GLA: variants seen among roughly 807,000 people sequenced by gnomAD.
GLA encodes the protein galactosidase alpha, also known as alpha-galactosidase A.
In GLA, 4 loss-of-function variants were observed where a neutral mutation model predicts 28.2. The ratio of observed to expected loss-of-function variants is 0.14; its 90% CI spans 0.07 to 0.32. The LOEUF is 0.32. Among genes scored for constraint, GLA ranks in the 10% least tolerant of loss-of-function variants. GLA has a pLI of 1.00. For missense variants in GLA, 203 were observed against 323.7 expected (o/e 0.63, Z 2.86); for synonymous variants, 94 against 113.0 (o/e 0.83, Z 1.07).
chrX:101,406,671 A>T (rs1555986898), intron 1 of GLA, among the ~76,000 whole-genome samples: 3 of 112,515 alleles, frequency 2.7e-5, no homozygotes, highest in Non-Finnish European at 5.6e-5. Flanking sequence ...AAAGATATTC[A>T]TAGGAATAAC....
rs1287387247 is a variant in GLA at position 101,402,758 on chromosome X, C to T, written c.370-949G>A. Among the ~76,000 whole-genome samples, 9 of 107,372 alleles carry T rather than the reference C, an allele frequency of 8.4e-5. No individual in the cohort carries two copies. The East Asian group carries it at 1.4e-3, about 17-fold the overall frequency. 93.2% of individuals were successfully genotyped at this position (107,372 alleles called of 115,157 possible). On this transcript the variant is annotated intron_variant, in intron 2 of 6. Transcript: ENST00000218516. ...CAGCCTGGGCGACAGAGCGAGACTC[C>T]GTCAAAAAAAAAAATCTGTCTTCAT...
chrX:101,403,787 C>T, intron 2 of GLA, 24 bp downstream of exon 2: 1 of 1,194,779 alleles, frequency 8.4e-7, no homozygotes, highest in Non-Finnish European at 1.1e-6. Flanking sequence ...TCTGAATGAA[C>T]AAGAACATTA....
chrX:101,404,696 A>G (rs1426817240), intron 1 of GLA, among the ~76,000 whole-genome samples: 1 of 105,957 alleles, frequency 9.4e-6, no homozygotes, highest in East Asian at 3.0e-4. Flanking sequence ...CAGCCTCCCG[A>G]GTAGCTGAGA....
At chrX:101,405,343 G>T (rs368938271) in intron 1 of GLA, among the ~76,000 whole-genome samples, 2 of 111,106 alleles carry the variant, frequency 1.8e-5, no homozygotes, top group East Asian at 2.8e-4. Context: ...TTTCGAAAGA[G>T]GTCCTTCCAG....
intron 2 of GLA, among the ~76,000 whole-genome samples, chrX:101,403,345 C>T (rs1928385528): frequency 9.2e-6 from 1 of 109,157 alleles, no homozygotes; most frequent in South Asian, 3.8e-4. Context: ...ATGCAAAGTC[C>T]ACCTGATAAG....
intron 1 of GLA, 93 bp downstream of exon 1, chrX:101,407,617 G>C (rs1217798222): frequency 2.4e-6 from 2 of 842,732 alleles, no homozygotes; most frequent in East Asian, 3.1e-5. Context: ...GCTCTCCCTC[G>C]GGCTCAACTG....
At chrX:101,401,313 T>C (rs782256263) in intron 3 of GLA, 2 of 316,377 alleles carry the variant, frequency 6.3e-6, no homozygotes, top group African/African-American at 5.4e-5. Context: ...TGAAGATGCT[T>C]CTTTCTCTGT....
chrX:101,400,397 G>A (rs1033917737), intron 4 of GLA, among the ~76,000 whole-genome samples: 6 of 110,772 alleles, frequency 5.4e-5, no homozygotes, highest in African/African-American at 1.6e-4. Context: ...GGCTGATTCA[G>A]GAGATATTTT....
At chrX:101,402,882 CT>C (rs1476316511) in intron 2 of GLA, among the ~76,000 whole-genome samples, 6 of 112,187 alleles carry the variant, frequency 5.3e-5, no homozygotes. Context: ...ATTGCAATAG[CT>C]TCCTAAAGGT....
chrX:101,398,429 T>C lies in GLA; in HGVS notation c.940A>G (p.Lys314Glu). 8.3e-7 allele frequency: 1 copy of C among 1,210,323 alleles called. No homozygotes were observed. The highest frequency in any genetic ancestry group is 1.1e-6 in the Non-Finnish European group (1 of 894,292). ...TCCTGATTGATGGCAATTACGTCCT[T>C]ATCCTGAAGGAGAGCTTTGGCTTGA... ...SPQAKALLQD[K>E]DVIAINQDPL... Residue 314 changes from lysine (K) to glutamate (E), a missense_variant, in exon 6 of 7, where the codon AAG (lysine) becomes GAG (glutamate). Transcript: ENST00000218516.
intron 2 of GLA, among the ~76,000 whole-genome samples, chrX:101,403,298 C>CA (rs1345659937): frequency 0.067 from 2,179 of 32,402 alleles, 89 homozygotes; most frequent in African/African-American, 0.15. Flanking sequence ...GACTCCATCT[C>CA]AAAAAAAAAA....
chrX:101,402,490 C>T (rs782704769), intron 2 of GLA, among the ~76,000 whole-genome samples: 14 of 112,291 alleles, frequency 1.2e-4, no homozygotes, highest in East Asian at 2.8e-4. Flanking sequence ...ATCGGCCGGG[C>T]GTGGTGGCTC....
chrX:101,399,387 T>C (rs949958859), intron 4 of GLA, among the ~76,000 whole-genome samples: 2 of 111,775 alleles, frequency 1.8e-5, no homozygotes, highest in African/African-American at 6.5e-5. Context: ...GCCAACATGG[T>C]GAAACCATCT....
rs782197638 is a variant in GLA at position 101,403,819 on chromosome X, C to T, written c.361G>A (p.Ala121Thr). ...ATTATCTATAAACTCACATAATTAG[C>T]TAGCTGGCGAATCCCATGAGGAAAG... ...QRFPHGIRQLANYVHSKGLKL... is the reference protein window; with the variant it reads ...QRFPHGIRQLTNYVHSKGLKL... Residue 121 changes from alanine to threonine, a missense_variant, in exon 2 of 7, where the codon GCT becomes ACT. Coordinates refer to ENST00000218516, the MANE Select transcript of GLA (RefSeq NM_000169.3). The T allele has an allele frequency of 8.3e-7, 1 of 1,209,522 alleles. No individual in the cohort carries two copies. Among genetic ancestry groups the T allele is most frequent in the Non-Finnish European group, 1.1e-6 (1 of 893,226 alleles).
chrX:101,400,539 T>TGGAA, intron 4 of GLA, 127 bp downstream of exon 4: 1 of 511,126 alleles, frequency 2.0e-6, no homozygotes, highest in Non-Finnish European at 3.6e-6. Flanking sequence ...GAGAAGTGGT[T>TGGAA]GGAACCTGGG....
At position 101,407,881 on chromosome X, in the gene GLA, A is replaced by T; in HGVS notation, c.23T>A (p.Leu8Gln). MQLRNPELHLGCALALRF... is the reference protein window; with the variant it reads MQLRNPEQHLGCALALRF... ...AAGCGCAAGCGCGCAGCCCAGATGT[A>T]GTTCTGGGTTCCTCAGCTGCATTGT... Residue 8 changes from leucine to glutamine, a missense_variant, in exon 1 of 7, where the codon CTA becomes CAA. Physicochemically the swap from Leu to Gln is moderately radical, Grantham distance 113 (BLOSUM62 -2). Around this residue, in one of 3 missense-constraint regions of GLA, gnomAD observed 30 missense variants for 32.2 expected, o/e 0.93. Transcript: ENST00000218516. 1 of 1,211,244 alleles carries T rather than the reference A, an allele frequency of 8.3e-7. No homozygotes were observed. The highest frequency in any genetic ancestry group is 1.1e-6 in the Non-Finnish European group (1 of 894,860).
chrX:101,401,809 C>CATAATTAGCTAGCTGGCGAAT lies in GLA; in HGVS notation c.370-1_370insATTCGCCAGCTAGCTAATTAT (p.Ile117_Tyr123dup), dbSNP rs1928329241. 8.3e-7 allele frequency: 1 copy of CATAATTAGCTAGCTGGCGAAT among 1,205,431 alleles called. No individual in the cohort carries two copies. Among genetic ancestry groups the CATAATTAGCTAGCTGGCGAAT allele is most frequent in the Non-Finnish European group, 1.1e-6 (1 of 890,937 alleles). On this transcript the variant is annotated inframe_insertion and splice_region_variant. Coordinates refer to ENST00000218516, the MANE Select transcript of GLA (RefSeq NM_000169.3). ...CCTAGCTTCAGTCCTTTGCTGTGAA[C>CATAATTAGCTAGCTGGCGAAT]CTGAAATGAGAGGGAGGAAAAGAGT... is the stretch of plus-strand genomic sequence containing the variant.
rs1004641235 is a variant in GLA at position 101,398,236 on chromosome X, T to C, written c.999+134A>G. On this transcript the variant is annotated intron_variant, in intron 6 of 6. Transcript: ENST00000218516. The stretch of plus-strand genomic sequence containing the variant: ...TGATCCTGTAGCATTATTTTGGAAA[T>C]AAAGTAATGTTTCTAGCAAGAAGCT... 5 of 772,314 alleles carry C rather than the reference T, an allele frequency of 6.5e-6. No homozygotes were observed. The East Asian group carries it at 1.6e-4, about 25-fold the overall frequency. The allele number at this position is 772,314 out of a possible 1,213,427, so 63.6% of individuals were successfully genotyped here.
At chrX:101,398,690 C>G in intron 5 of GLA, 95 bp downstream of exon 5, 1 of 1,060,530 alleles carries the variant, frequency 9.4e-7, no homozygotes, top group Non-Finnish European at 1.3e-6. Flanking sequence ...CACATAAAGC[C>G]TCCTCCCAGG....
Sources: gnomAD v4.1 joint callset for allele counts (sites outside exome capture counted in the v4.1 genomes callset) on GRCh38, gnomAD v4.1.1 for gene constraint, gnomAD v4.1.1 regional missense constraint, MANE v1.5 for transcripts, NCBI Gene and HGNC (gene_info 2026-07-23, HGNC 2026-07-21) for gene names.